NUP214: variants seen among roughly 807,000 people sequenced by gnomAD.
The protein encoded by NUP214 is nucleoporin 214, also known as nuclear pore complex protein Nup214.
Under a neutral mutation model 196.2 loss-of-function variants are expected in NUP214, and 79 were observed. The observed-to-expected ratio is 0.40, with a 90% CI of 0.34 to 0.49. The LOEUF (loss-of-function observed/expected upper bound fraction) is 0.49. Among genes scored for constraint, NUP214 ranks in the 20% least tolerant of loss-of-function variants. The pLI, the probability that NUP214 is intolerant of heterozygous loss-of-function variation, is 0.58. For missense variants in NUP214, 2,468 were observed against 2,539.0 expected, an observed-to-expected ratio of 0.97 and a Z score of 0.60; for synonymous variants, 1,020 against 990.5, an observed-to-expected ratio of 1.03 and a Z score of -0.56.
chr9:131,133,388 T>G (rs1831621213), intron 7 of NUP214, among the ~76,000 whole-genome samples, 179 bp downstream of exon 7: 1 of 149,212 alleles, frequency 6.7e-6, no homozygotes, highest in African/African-American at 2.5e-5. Context: ...CACTGAAGCC[T>G]GGACCTCCTG....
intron 22 of NUP214, 113 bp downstream of exon 22, chr9:131,174,431 A>AT: frequency 8.7e-5 from 58 of 666,064 alleles, no homozygotes; most frequent in South Asian, 6.1e-4. Context: ...GCTCCAGCCC[A>AT]CTTTTTTTTT....
chr9:131,223,727 A>ATTTATGTATTTATTTTTTTTTTTTTTT, intron 32 of NUP214, among the ~76,000 whole-genome samples: 1 of 15,642 alleles, frequency 6.4e-5, no homozygotes, highest in Non-Finnish European at 1.4e-4. Context: ...TTATTTATTT[A>ATTTATGTATTTATTTTTTTTTTTTTTT]TTTTTTTTTT....
At chr9:131,169,780 A>T (rs1196709653) in intron 21 of NUP214, among the ~76,000 whole-genome samples, 1 of 152,222 alleles carries the variant, frequency 6.6e-6, no homozygotes, top group Admixed American at 6.5e-5. Flanking sequence ...CCATGTGATG[A>T]GAGGGGCATG....
chr9:131,230,498 G>C (rs990820232), intron 33 of NUP214, 132 bp from the exon 34 acceptor site: 52 of 1,074,358 alleles, frequency 4.8e-5, no homozygotes, highest in Non-Finnish European at 6.7e-5. Context: ...AAGGCTGCTA[G>C]TTAGGCCCAG....
chr9:131,140,997 T>C (rs772965534), intron 11 of NUP214, among the ~76,000 whole-genome samples: 6 of 152,214 alleles, frequency 3.9e-5, no homozygotes, highest in Non-Finnish European at 8.8e-5. Flanking sequence ...CCCTATATTA[T>C]GTGATGTGCA....
At chr9:131,200,438 G>A (rs934794642) in intron 29 of NUP214, among the ~76,000 whole-genome samples, 15 of 152,046 alleles carry the variant, frequency 9.9e-5, no homozygotes, top group African/African-American at 3.4e-4. Flanking sequence ...TGCCGGGCGC[G>A]GTGGCTCACG....
At chr9:131,130,132 G>GTTTTTTTTTTTTTTTTTTTTTT (rs1245763919) in intron 4 of NUP214, among the ~76,000 whole-genome samples, 6 of 46,552 alleles carry the variant, frequency 1.3e-4, no homozygotes, top group Non-Finnish European at 2.1e-4. Context: ...ATGATTTCTG[G>GTTTTTTTTTTTTTTTTTTTTTT]TTTTGTTTTT....
At chr9:131,134,557 G>T (rs1317005965) in intron 7 of NUP214, among the ~76,000 whole-genome samples, 2 of 152,132 alleles carry the variant, frequency 1.3e-5, no homozygotes, top group African/African-American at 4.8e-5. Context: ...TACTGGGCTG[G>T]AAGTTTTGTA....
intron 17 of NUP214, among the ~76,000 whole-genome samples, chr9:131,157,806 C>T (rs1564189240): frequency 6.6e-6 from 1 of 151,836 alleles, no homozygotes; most frequent in Non-Finnish European, 1.5e-5. Flanking sequence ...CCACCACACC[C>T]GGGTAATTCT....
intron 35 of NUP214, chr9:131,233,082 T>G (rs1834921298): frequency 6.5e-6 from 1 of 152,808 alleles, no homozygotes; most frequent in Admixed American, 6.5e-5. Flanking sequence ...CAGGCCAAGG[T>G]GGGCAGATAT....
Position 131,150,738 on chromosome 9 carries a change from T to C in NUP214, c.2250T>C (p.Phe750=). 2 of 1,613,408 alleles carry C rather than the reference T, an allele frequency of 1.2e-6. No homozygotes were observed. Among genetic ancestry groups the C allele is most frequent in the Non-Finnish European group, 1.7e-6 (2 of 1,179,796 alleles). The change falls in exon 16 of 36, where the codon TTT becomes TTC. Residue 750 remains phenylalanine, a synonymous_variant. Coordinates refer to ENST00000359428, the MANE Select transcript of NUP214 (RefSeq NM_005085.4). ...CAGAATCAGATGACTTGCATACCTTTCTTTTGGAGATTAAAGAGACCACAG... is the reference window on the plus strand; with the variant it reads ...CAGAATCAGATGACTTGCATACCTTCCTTTTGGAGATTAAAGAGACCACAG... ...LRTESDDLHT[F]LLEIKETTES... is the part of the protein sequence containing the mutation.
chr9:131,175,088 T>G (rs1181413562), intron 22 of NUP214, among the ~76,000 whole-genome samples: 1 of 152,220 alleles, frequency 6.6e-6, no homozygotes, highest in African/African-American at 2.4e-5. Context: ...ACAGGTGTTG[T>G]GCCCCCACAC....
At position 131,176,575 on chromosome 9, in the gene NUP214, C is replaced by T. The variant is rs540415347; in HGVS notation, c.3319+954C>T. 5.3e-5 allele frequency among the ~76,000 whole-genome samples: 8 copies of T among 152,244 alleles called. No homozygotes were observed. In the East Asian group the frequency reaches 9.6e-4, roughly 18 times the overall value. Reference sequence around the variant, plus strand: ...AACTCCTGGGCTCAAGTGATCCACCCGCCTCTACCTCCCAAAGTGCTGGGA... The same window carrying T: ...AACTCCTGGGCTCAAGTGATCCACCTGCCTCTACCTCCCAAAGTGCTGGGA... On this transcript the variant is annotated intron_variant, in intron 23 of 35. Transcript: ENST00000359428.
At chr9:131,174,401 T>G in intron 22 of NUP214, 83 bp downstream of exon 22, 1 of 1,330,766 alleles carries the variant, frequency 7.5e-7, no homozygotes. Flanking sequence ...TCTTATACTG[T>G]CACACCAATA....
At chr9:131,230,094 G>A (rs1018933304) in intron 33 of NUP214, 1 of 209,926 alleles carries the variant, frequency 4.8e-6, no homozygotes, top group African/African-American at 2.4e-5. Flanking sequence ...TTGTCTCCAG[G>A]TGGGGCGAGC....
intron 30 of NUP214, among the ~76,000 whole-genome samples, chr9:131,205,642 A>G (rs1438288230): frequency 6.6e-6 from 1 of 152,216 alleles, no homozygotes; most frequent in Non-Finnish European, 1.5e-5. Flanking sequence ...ACAGCCCAAT[A>G]CTACAGAGAA....
At chr9:131,161,870 A>G (rs1832647473) in intron 18 of NUP214, among the ~76,000 whole-genome samples, 1 of 152,222 alleles carries the variant, frequency 6.6e-6, no homozygotes, top group Admixed American at 6.5e-5. Flanking sequence ...CTTATGGTGT[A>G]TAGCCTGTTG....
At chr9:131,169,033 T>TG (rs1215108484) in intron 21 of NUP214, among the ~76,000 whole-genome samples, 3 of 55,372 alleles carry the variant, frequency 5.4e-5, no homozygotes, top group Admixed American at 3.1e-4. Flanking sequence ...TGTTTTTTTT[T>TG]GTTTTTTTTT....
At chr9:131,173,062 CTTG>C (rs1305347472) in intron 21 of NUP214, among the ~76,000 whole-genome samples, 4 of 152,164 alleles carry the variant, frequency 2.6e-5, no homozygotes, top group East Asian at 1.9e-4. Context: ...TTGGGTTTTT[CTTG>C]TTGTTATTTG....
Sources: gnomAD v4.1 joint callset for allele counts (sites outside exome capture counted in the v4.1 genomes callset) on GRCh38, gnomAD v4.1.1 for gene constraint, MANE v1.5 for transcripts, NCBI Gene and HGNC (gene_info 2026-07-23, HGNC 2026-07-21) for gene names.